The following CCSER1 variants were observed in gnomAD, a reference collection of about 807,000 sequenced individuals.
CCSER1 encodes coiled-coil serine rich protein 1, also known as serine-rich coiled-coil domain-containing protein 1.
A neutral mutation model predicts 82.0 loss-of-function variants in CCSER1; 41 were observed. The ratio of observed to expected loss-of-function variants is 0.50; its 90% CI spans 0.39 to 0.65. The LOEUF is 0.65. Ranked by LOEUF, CCSER1 falls within the 30% of genes least tolerant of loss-of-function variation. The pLI is 0.00. For missense variants in CCSER1, 1,119 were observed against 1,064.2 expected (o/e 1.05, Z -0.72); for synonymous variants, 414 against 383.9 (o/e 1.08, Z -0.92).
intron 10 of CCSER1, among the ~76,000 whole-genome samples, chr4:91,222,457 C>G (rs1737831120): frequency 6.6e-6 from 1 of 152,126 alleles, no homozygotes; most frequent in Admixed American, 6.6e-5. Context: ...AATTAGTATT[C>G]TATAAGAACT....
chr4:91,106,644 CTT>C (rs1725647227), intron 10 of CCSER1, among the ~76,000 whole-genome samples: 1 of 152,190 alleles, frequency 6.6e-6, no homozygotes, highest in South Asian at 2.1e-4. Context: ...AGAATAGAAA[CTT>C]ATGTGTCAGG....
intron 8 of CCSER1, among the ~76,000 whole-genome samples, chr4:90,822,197 C>T (rs926487109): frequency 1.3e-5 from 2 of 152,078 alleles, no homozygotes; most frequent in African/African-American, 2.4e-5. Flanking sequence ...GGTTAGTAGA[C>T]GGTGCTGTGA....
chr4:90,226,494 T>C (rs553512061), intron 1 of CCSER1, among the ~76,000 whole-genome samples: 1 of 152,248 alleles, frequency 6.6e-6, no homozygotes, highest in South Asian at 2.1e-4. Context: ...ATTAGACAAG[T>C]GAAGATGCAG....
chr4:91,437,511 G>A (rs566495671), intron 10 of CCSER1, among the ~76,000 whole-genome samples: 29 of 152,314 alleles, frequency 1.9e-4, no homozygotes, highest in African/African-American at 5.8e-4. Context: ...CAAGATGGCC[G>A]AATAGGAACA....
intron 7 of CCSER1, among the ~76,000 whole-genome samples, chr4:90,804,705 C>T (rs905375649): frequency 9.2e-5 from 14 of 152,030 alleles, no homozygotes; most frequent in African/African-American, 3.4e-4. Flanking sequence ...AGTTAATAGT[C>T]TTAAACAATG....
chr4:91,501,993 T>C (rs1759235334), intron 10 of CCSER1, among the ~76,000 whole-genome samples: 1 of 152,178 alleles, frequency 6.6e-6, no homozygotes, highest in African/African-American at 2.4e-5. Context: ...GTTAATTGGC[T>C]TTAGACAAAG....
intron 8 of CCSER1, among the ~76,000 whole-genome samples, chr4:90,915,192 G>T (rs1478068603): frequency 6.6e-6 from 1 of 152,254 alleles, no homozygotes; most frequent in Admixed American, 6.5e-5. Context: ...TGATACCAAA[G>T]CCTGGCAGAG....
intron 3 of CCSER1, among the ~76,000 whole-genome samples, chr4:90,399,084 C>G (rs1752431542): frequency 6.6e-6 from 1 of 152,032 alleles, no homozygotes; most frequent in African/African-American, 2.4e-5. Flanking sequence ...CTTTGATGTT[C>G]TATTTTTCTG....
At chr4:91,235,849 ATTCT>A (rs751796666) in intron 10 of CCSER1, among the ~76,000 whole-genome samples, 5 of 152,274 alleles carry the variant, frequency 3.3e-5, no homozygotes, top group Non-Finnish European at 5.9e-5. Context: ...TAGAAAAGAG[ATTCT>A]TTCAGGTGCT....
At chr4:91,469,667 C>G (rs573835584) in intron 10 of CCSER1, among the ~76,000 whole-genome samples, 47 of 152,292 alleles carry the variant, frequency 3.1e-4, no homozygotes, top group African/African-American at 1.1e-3. Context: ...AAATGCTTAA[C>G]TAGATATGAC....
At chr4:91,400,877 A>G (rs1307776277) in intron 10 of CCSER1, among the ~76,000 whole-genome samples, 1 of 151,904 alleles carries the variant, frequency 6.6e-6, no homozygotes, top group East Asian at 1.9e-4. Context: ...TTACCTAAGA[A>G]AAAAGGGCAC....
intron 4 of CCSER1, among the ~76,000 whole-genome samples, chr4:90,411,158 G>A (rs1754712053): frequency 6.6e-6 from 1 of 152,118 alleles, no homozygotes; most frequent in Non-Finnish European, 1.5e-5. Context: ...AAAAAGTCCA[G>A]GACCAGATGG....
chr4:91,105,698 C>T (rs528008881), intron 10 of CCSER1, among the ~76,000 whole-genome samples: 1 of 151,954 alleles, frequency 6.6e-6, no homozygotes, highest in East Asian at 1.9e-4. Flanking sequence ...AGTGAGAATC[C>T]ATCTCAAAAA....
At chr4:90,566,256 A>G (rs1779364760) in intron 5 of CCSER1, among the ~76,000 whole-genome samples, 1 of 151,984 alleles carries the variant, frequency 6.6e-6, no homozygotes, top group African/African-American at 2.4e-5. Flanking sequence ...CTGTAGTTTT[A>G]TTAATAGTGT....
intron 8 of CCSER1, among the ~76,000 whole-genome samples, chr4:90,909,300 A>G (rs944214509): frequency 2.3e-4 from 35 of 152,130 alleles, no homozygotes; most frequent in Admixed American, 2.0e-3. Context: ...ATTTCCAAGT[A>G]AAGTCACATT....
chr4:91,330,192 A>G (rs1746850362), intron 10 of CCSER1, among the ~76,000 whole-genome samples: 1 of 152,202 alleles, frequency 6.6e-6, no homozygotes, highest in South Asian at 2.1e-4. Context: ...AGAATTTTAT[A>G]ATTGCAGAAA....
At chr4:91,445,480 A>G (rs967651628) in intron 10 of CCSER1, among the ~76,000 whole-genome samples, 1 of 151,236 alleles carries the variant, frequency 6.6e-6, no homozygotes, top group Admixed American at 6.6e-5. Flanking sequence ...GTCACAGTGG[A>G]CTGGCATGGG....
intron 4 of CCSER1, among the ~76,000 whole-genome samples, chr4:90,413,668 T>C (rs764256614): frequency 5.9e-5 from 9 of 151,772 alleles, no homozygotes; most frequent in Non-Finnish European, 1.2e-4. Context: ...TAAAGAGTCC[T>C]AAATTAATAT....
At chr4:91,315,916 T>C (rs1226461298) in intron 10 of CCSER1, among the ~76,000 whole-genome samples, 2 of 151,944 alleles carry the variant, frequency 1.3e-5, no homozygotes, top group African/African-American at 4.8e-5. Context: ...CCACATCTCA[T>C]CTTGAATTGT....
Sources: gnomAD v4.1 joint callset for allele counts (sites outside exome capture counted in the v4.1 genomes callset) on GRCh38, gnomAD v4.1.1 for gene constraint, MANE v1.5 for transcripts, NCBI Gene and HGNC (gene_info 2026-07-23, HGNC 2026-07-21) for gene names.